ZNF585A: variants seen among roughly 807,000 people sequenced by gnomAD.
The protein encoded by ZNF585A is zinc finger protein 585A.
A neutral mutation model predicts 14.9 loss-of-function variants in ZNF585A; 9 were observed. That is an observed-to-expected ratio of 0.60 (90% CI 0.36 to 1.05). The LOEUF is 1.05. ZNF585A is among the 50% of genes least tolerant of loss of function. The probability of loss-of-function intolerance (pLI) is 0.01; values close to 1 mark genes in which losing one functional copy is unlikely to be tolerated. For missense variants in ZNF585A, 726 were observed against 926.4 expected (o/e 0.78, Z 2.81); for synonymous variants, 276 against 319.9 (o/e 0.86, Z 1.46).
intron 1 of ZNF585A, among the ~76,000 whole-genome samples, chr19:37,170,990 G>T (rs1384375918): frequency 6.6e-6 from 1 of 152,034 alleles, no homozygotes; most frequent in African/African-American, 2.4e-5. Context: ...AGACAATATT[G>T]ATCTATATAT....
chr19:37,159,248 C>CAAAAAAAAAA (rs768272181), intron 2 of ZNF585A, among the ~76,000 whole-genome samples: 1 of 69,358 alleles, frequency 1.4e-5, no homozygotes, highest in Non-Finnish European at 2.8e-5. Context: ...GACTCCATCT[C>CAAAAAAAAAA]AAAAAAAAAA....
chr19:37,162,520 C>T (rs1168454956), intron 2 of ZNF585A, among the ~76,000 whole-genome samples: 1 of 152,134 alleles, frequency 6.6e-6, no homozygotes, highest in African/African-American at 2.4e-5. Flanking sequence ...AAGACACATA[C>T]CCACATATGT....
At position 37,152,218 on chromosome 19, in the gene ZNF585A, G is replaced by A. The variant is rs1971843611; in HGVS notation, c.1681C>T (p.Gln561Ter). The part of the protein sequence containing the change: ...ECHECGKAFN[Q>*]KSILIVHQKI... ...TGATGAACAATGAGTATTGATTTCT[G>A]GTTGAAGGCTTTCCCACATTCGTGG... is the stretch of plus-strand genomic sequence containing the variant. Residue 561 changes from glutamine (Q) to a stop codon, truncating the protein, a stop_gained, in exon 5 of 5, where the codon CAG becomes TAG. Coordinates refer to ENST00000292841, the MANE Select transcript of ZNF585A (RefSeq NM_001288800.2). LOFTEE classifies it low-confidence loss of function (END_TRUNC). The A allele has an allele frequency of 1.2e-6, 2 of 1,613,522 alleles. No homozygotes were observed. Among genetic ancestry groups the A allele is most frequent in the South Asian group, 1.1e-5 (1 of 91,042 alleles).
In ZNF585A at chr19:37,147,608, AT is replaced by A. The variant is rs1392389441; in HGVS notation, c.*3980del. 6.6e-6 allele frequency: 1 copy of A among 152,244 alleles called. No individual in the cohort carries two copies. The highest frequency in any genetic ancestry group is 1.5e-5 in the Non-Finnish European group (1 of 68,036). The allele number at this position is 152,244 out of a possible 1,614,324, so 9.4% of individuals were successfully genotyped here. On this transcript the variant is annotated 3_prime_UTR_variant, in exon 5 of 5. Coordinates refer to ENST00000292841, the MANE Select transcript of ZNF585A (RefSeq NM_001288800.2). The stretch of plus-strand genomic sequence containing the variant: ...CATATACTATAAAACAGGTACTATT[AT>A]ATAAAATACAAACTATTTTATTGTC...
chr19:37,160,850 A>C (rs371942064), intron 2 of ZNF585A, among the ~76,000 whole-genome samples: 3 of 152,054 alleles, frequency 2.0e-5, no homozygotes. Context: ...TCTACCAGAG[A>C]ATTCTTTTTT....
At chr19:37,170,077 G>T in intron 1 of ZNF585A, 23 bp from the exon 2 acceptor site, 1 of 699,832 alleles carries the variant, frequency 1.4e-6, no homozygotes, top group Non-Finnish European at 2.3e-6. Context: ...TGTTCCCATA[G>T]TCAGTCATTT....
At chr19:37,159,521 T>A (rs946206494) in intron 2 of ZNF585A, among the ~76,000 whole-genome samples, 6 of 152,108 alleles carry the variant, frequency 3.9e-5, no homozygotes, top group Non-Finnish European at 8.8e-5. Flanking sequence ...TCCCTCACCT[T>A]AGCAATTTAT....
At chr19:37,156,875 A>G (rs1971939923) in intron 2 of ZNF585A, among the ~76,000 whole-genome samples, 1 of 152,142 alleles carries the variant, frequency 6.6e-6, no homozygotes, top group Non-Finnish European at 1.5e-5. Flanking sequence ...TATTTATAGT[A>G]GACACGGGGT....
At chr19:37,164,296 G>T (rs1457196801) in intron 2 of ZNF585A, among the ~76,000 whole-genome samples, 1 of 151,984 alleles carries the variant, frequency 6.6e-6, no homozygotes, top group Non-Finnish European at 1.5e-5. Context: ...CCAGCTACTC[G>T]GGAGGCTGAG....
At chr19:37,162,013 T>TC (rs377212360) in intron 2 of ZNF585A, among the ~76,000 whole-genome samples, 2,275 of 152,318 alleles carry the variant, frequency 0.015, 23 homozygotes, top group Non-Finnish European at 0.024. Context: ...AACCCCTGCC[T>TC]CCCAGGTTCA....
intron 2 of ZNF585A, among the ~76,000 whole-genome samples, chr19:37,159,059 C>T (rs567817492): frequency 6.6e-6 from 1 of 151,878 alleles, no homozygotes; most frequent in Non-Finnish European, 1.5e-5. Context: ...ACCAGCCTGG[C>T]CAACATGGAG....
At chr19:37,169,611 T>G (rs1972149916) in intron 2 of ZNF585A, among the ~76,000 whole-genome samples, 1 of 152,176 alleles carries the variant, frequency 6.6e-6, no homozygotes, top group Admixed American at 6.5e-5. Flanking sequence ...TTTTTCTTAA[T>G]AGTCCACCTC....
intron 2 of ZNF585A, among the ~76,000 whole-genome samples, chr19:37,162,770 T>C (rs1375212070): frequency 6.6e-6 from 1 of 151,972 alleles, no homozygotes; most frequent in Admixed American, 6.6e-5. Context: ...AAGTGGGAGC[T>C]AAATGATGAG....
intron 1 of ZNF585A, among the ~76,000 whole-genome samples, chr19:37,171,546 T>C (rs1255554551): frequency 6.6e-6 from 1 of 152,190 alleles, no homozygotes; most frequent in Non-Finnish European, 1.5e-5. Flanking sequence ...ATTTTATAAA[T>C]TGTTGGTATA....
In ZNF585A at chr19:37,147,452, C is replaced by A. The variant is rs1307895127; in HGVS notation, c.*4137G>T. ...CTAACTCCAACTGCAGACTCTCTGG[C>A]CTCTTTTATTGTAGTTATATCTTTA... On this transcript the variant is annotated 3_prime_UTR_variant, in exon 5 of 5. Coordinates refer to ENST00000292841, the MANE Select transcript of ZNF585A (RefSeq NM_001288800.2). 1 of 152,090 alleles carries A rather than the reference C, an allele frequency of 6.6e-6. No homozygotes were observed. Among genetic ancestry groups the A allele is most frequent in the Non-Finnish European group, 1.5e-5 (1 of 68,016 alleles). 9.4% of individuals were successfully genotyped at this position (152,090 alleles called of 1,614,324 possible). A position where few individuals can be genotyped will look rare whatever the true frequency, so the allele number is the denominator to read the frequency against.
chr19:37,161,442 G>C (rs1464125964), intron 2 of ZNF585A, among the ~76,000 whole-genome samples: 2 of 152,172 alleles, frequency 1.3e-5, no homozygotes, highest in African/African-American at 4.8e-5. Context: ...GACAAGACTG[G>C]AAGATCAGAG....
At chr19:37,160,495 G>A (rs1971997404) in intron 2 of ZNF585A, among the ~76,000 whole-genome samples, 2 of 151,686 alleles carry the variant, frequency 1.3e-5, no homozygotes, top group Non-Finnish European at 2.9e-5. Flanking sequence ...AAAAATCACT[G>A]TAACACAATC....
chr19:37,166,467 G>A (rs990752744), intron 2 of ZNF585A, among the ~76,000 whole-genome samples: 12 of 151,806 alleles, frequency 7.9e-5, no homozygotes, highest in African/African-American at 1.7e-4. Context: ...CTACAGGTGC[G>A]CACCACCACA....
chr19:37,159,942 G>C (rs747088542), intron 2 of ZNF585A, among the ~76,000 whole-genome samples: 1 of 152,074 alleles, frequency 6.6e-6, no homozygotes, highest in Non-Finnish European at 1.5e-5. Flanking sequence ...TGGGATGCAG[G>C]TAAAGCAAGG....
Sources: gnomAD v4.1 joint callset for allele counts (sites outside exome capture counted in the v4.1 genomes callset) on GRCh38, gnomAD v4.1.1 for gene constraint, MANE v1.5 for transcripts, NCBI Gene and HGNC (gene_info 2026-07-23, HGNC 2026-07-21) for gene names.